RANBP3L: variants seen among roughly 807,000 people sequenced by gnomAD.
RANBP3L encodes ran-binding protein 3-like.
Under a neutral mutation model 67.2 loss-of-function variants are expected in RANBP3L, and 56 were observed. That is an observed-to-expected ratio of 0.83 (90% CI 0.67 to 1.04). RANBP3L has a LOEUF of 1.04. Ranked by LOEUF, RANBP3L falls within the 50% of genes least tolerant of loss-of-function variation. RANBP3L has a pLI of 0.00. For synonymous variants in RANBP3L, 164 were observed against 181.4 expected (o/e 0.90, Z 0.77); for missense variants, 496 against 535.5 (o/e 0.93, Z 0.73).
chr5:36,255,830 A>G (rs922318756), intron 10 of RANBP3L, among the ~76,000 whole-genome samples: 2 of 152,102 alleles, frequency 1.3e-5, no homozygotes, highest in South Asian at 2.1e-4. Context: ...TTTATTTCCC[A>G]TCTACCAATT....
chr5:36,251,115 T>A (rs1310666208), intron 13 of RANBP3L, among the ~76,000 whole-genome samples, 198 bp downstream of exon 13: 1 of 152,110 alleles, frequency 6.6e-6, no homozygotes, highest in Non-Finnish European at 1.5e-5. Flanking sequence ...ACCATGAAGC[T>A]GACTTGATAA....
chr5:36,255,940 T>C (rs1748947830), intron 10 of RANBP3L, among the ~76,000 whole-genome samples: 1 of 152,088 alleles, frequency 6.6e-6, no homozygotes, highest in African/African-American at 2.4e-5. Flanking sequence ...ATGTTCCCCC[T>C]CTTTTTTTCT....
intron 1 of RANBP3L, among the ~76,000 whole-genome samples, chr5:36,300,751 A>G (rs1752554733): frequency 6.6e-6 from 1 of 152,200 alleles, no homozygotes; most frequent in East Asian, 1.9e-4. Flanking sequence ...AAAATTTAAA[A>G]AGACTGATGG....
intron 1 of RANBP3L, among the ~76,000 whole-genome samples, chr5:36,295,316 C>G (rs1752128052): frequency 6.6e-6 from 1 of 151,950 alleles, no homozygotes; most frequent in Non-Finnish European, 1.5e-5. Context: ...GGGCTGTTAC[C>G]CCCATGCTGT....
rs551529711 is a variant in RANBP3L, at chr5:36,273,206, C to G, written c.92-1895G>C. On this transcript the variant is annotated intron_variant, in intron 1 of 13. Coordinates refer to ENST00000296604, the MANE Select transcript of RANBP3L (RefSeq NM_145000.5). ...AGTTAGAATAATAAATGTGACTCTT[C>G]TAAACTGGGCTTAGGACAGTCATCC... Among the ~76,000 whole-genome samples, 4 of 152,294 alleles carry G rather than the reference C, an allele frequency of 2.6e-5. No individual in the cohort carries two copies. In the East Asian group the frequency reaches 7.7e-4, roughly 29 times the overall value.
At chr5:36,292,743 C>A (rs1012849330) in intron 1 of RANBP3L, among the ~76,000 whole-genome samples, 108 of 152,132 alleles carry the variant, frequency 7.1e-4, no homozygotes, top group African/African-American at 2.5e-3. Flanking sequence ...GGGCTCTGTT[C>A]TGTTCCATTG....
chr5:36,247,806 T>G lies in RANBP3L; in HGVS notation c.*1848A>C, dbSNP rs1748368826. On this transcript the variant is annotated 3_prime_UTR_variant, in exon 14 of 14. Coordinates refer to ENST00000296604, the MANE Select transcript of RANBP3L (RefSeq NM_145000.5). Reference sequence around the variant, plus strand: ...GGCTGAGTGAGGCACGAGAATCCCTTGAACCCGGGAGGGGGAGGTTGAAGT... The same window carrying G: ...GGCTGAGTGAGGCACGAGAATCCCTGGAACCCGGGAGGGGGAGGTTGAAGT... 6.6e-6 allele frequency among the ~76,000 whole-genome samples: 1 copy of G among 152,186 alleles called. No individual in the cohort carries two copies. The highest frequency in any genetic ancestry group is 2.4e-5 in the African/African-American group (1 of 41,434).
chr5:36,278,408 C>T (rs993401885), intron 1 of RANBP3L, among the ~76,000 whole-genome samples: 6 of 152,046 alleles, frequency 3.9e-5, no homozygotes, highest in African/African-American at 1.4e-4. Context: ...CCACCCCCGA[C>T]CTACTAAGTC....
At chr5:36,300,920 A>C (rs1477204612) in intron 1 of RANBP3L, among the ~76,000 whole-genome samples, 1 of 152,196 alleles carries the variant, frequency 6.6e-6, no homozygotes, top group African/African-American at 2.4e-5. Context: ...AGAGATCCAG[A>C]CAAACTTAGG....
intron 1 of RANBP3L, among the ~76,000 whole-genome samples, chr5:36,284,016 T>C (rs576310409): frequency 6.6e-6 from 1 of 151,730 alleles, no homozygotes; most frequent in Non-Finnish European, 1.5e-5. Flanking sequence ...GGAGTTTCAC[T>C]CTTGTTGCCC....
At chr5:36,275,769 G>T (rs1280164966) in intron 1 of RANBP3L, among the ~76,000 whole-genome samples, 3 of 152,120 alleles carry the variant, frequency 2.0e-5, no homozygotes, top group African/African-American at 2.4e-5. Context: ...ATACCGTGGT[G>T]TGTGGAGATA....
intron 1 of RANBP3L, among the ~76,000 whole-genome samples, chr5:36,284,141 T>G (rs1177667132): frequency 2.0e-5 from 3 of 152,126 alleles, no homozygotes; most frequent in African/African-American, 7.2e-5. Context: ...AACCCTGTTC[T>G]CCTTCTGAAT....
rs1748920501 is a variant in RANBP3L at position 36,255,649 on chromosome 5, T to A, written c.904-59A>T. 10 of 1,289,454 alleles carry A rather than the reference T, an allele frequency of 7.8e-6. No individual in the cohort carries two copies. In the South Asian group the frequency reaches 1.3e-4, roughly 17 times the overall value. 79.9% of individuals were successfully genotyped at this position (1,289,454 alleles called of 1,614,324 possible). A position where few individuals can be genotyped will look rare whatever the true frequency, so the allele number is the denominator to read the frequency against. ...AGAAAATTTTTTCAAAGTAAATTAT[T>A]TCCTATGTTATGACACGTTTATATG... On this transcript the variant is annotated intron_variant, in intron 10 of 13. Coordinates refer to ENST00000296604, the MANE Select transcript of RANBP3L (RefSeq NM_145000.5).
At chr5:36,270,276 G>A (rs1337666184) in intron 2 of RANBP3L, among the ~76,000 whole-genome samples, 4 of 152,102 alleles carry the variant, frequency 2.6e-5, no homozygotes, top group Non-Finnish European at 4.4e-5. Flanking sequence ...CTGCAGATTC[G>A]CTTGTGGAAG....
intron 11 of RANBP3L, among the ~76,000 whole-genome samples, chr5:36,254,563 C>T (rs1748834242): frequency 6.6e-6 from 1 of 151,740 alleles, no homozygotes; most frequent in South Asian, 2.1e-4. Flanking sequence ...ATAACTTGGA[C>T]CTGCCTTGGG....
At chr5:36,289,054 T>C (rs1413026978) in intron 1 of RANBP3L, among the ~76,000 whole-genome samples, 1 of 152,166 alleles carries the variant, frequency 6.6e-6, no homozygotes, top group Non-Finnish European at 1.5e-5. Flanking sequence ...TTTGTATATC[T>C]AACTTTTGTG....
chr5:36,277,954 T>C (rs1750711982), intron 1 of RANBP3L, among the ~76,000 whole-genome samples: 1 of 152,080 alleles, frequency 6.6e-6, no homozygotes, highest in Admixed American at 6.6e-5. Flanking sequence ...GGGGTTTCCC[T>C]TTATAAAACC....
chr5:36,259,308 C>T (rs1026930178), intron 8 of RANBP3L, among the ~76,000 whole-genome samples: 6 of 152,076 alleles, frequency 3.9e-5, no homozygotes, highest in African/African-American at 9.7e-5. Flanking sequence ...TGAGTTTGGG[C>T]GCAGTGTCTC....
chr5:36,282,121 T>A (rs187799155), intron 1 of RANBP3L, among the ~76,000 whole-genome samples: 1 of 152,284 alleles, frequency 6.6e-6, no homozygotes, highest in African/African-American at 2.4e-5. Context: ...CATATTTAAT[T>A]TGACAGCATT....
Sources: allele counts gnomAD v4.1 joint callset (sites outside exome capture counted in the v4.1 genomes callset), GRCh38; gene constraint gnomAD v4.1.1; transcripts MANE v1.5; gene names NCBI Gene and HGNC (gene_info 2026-07-23, HGNC 2026-07-21).